The following CYB5R4 variants were observed in gnomAD, a reference collection of about 807,000 sequenced individuals.
The protein encoded by CYB5R4 is cytochrome b5 reductase 4.
A neutral mutation model predicts 70.2 loss-of-function variants in CYB5R4; 55 were observed. That is an observed-to-expected ratio of 0.78 (90% CI 0.63 to 0.98). The LOEUF (loss-of-function observed/expected upper bound fraction) is 0.98, where lower values mean the gene tolerates loss of function less well. CYB5R4 is among the 50% of genes least tolerant of loss of function. The probability of loss-of-function intolerance (pLI) is 0.00; values close to 1 mark genes in which losing one functional copy is unlikely to be tolerated. For synonymous variants in CYB5R4, 197 were observed against 199.5 expected, an observed-to-expected ratio of 0.99 and a Z score of 0.11; for missense variants, 562 against 612.6, an observed-to-expected ratio of 0.92 and a Z score of 0.87.
At chr6:83,872,550 C>T (rs2129129241) in intron 2 of CYB5R4, among the ~76,000 whole-genome samples, 1 of 152,334 alleles carries the variant, frequency 6.6e-6, no homozygotes, top group Non-Finnish European at 1.5e-5. Flanking sequence ...TGCAGGGGCT[C>T]AGACCAAGTC....
intron 12 of CYB5R4, among the ~76,000 whole-genome samples, chr6:83,937,417 C>T (rs1588582391): frequency 6.6e-6 from 1 of 152,158 alleles, no homozygotes; most frequent in East Asian, 1.9e-4. Flanking sequence ...TTCTTCATTA[C>T]AAGACTTTGA....
intron 4 of CYB5R4, chr6:83,910,273 A>G: frequency 2.7e-6 from 2 of 748,450 alleles, no homozygotes; most frequent in Non-Finnish European, 4.3e-6. Flanking sequence ...CAGTTTCCTC[A>G]TTGGTAAAAT....
intron 2 of CYB5R4, among the ~76,000 whole-genome samples, chr6:83,890,186 T>C (rs2099460903): frequency 1.3e-5 from 2 of 152,226 alleles, no homozygotes; most frequent in Non-Finnish European, 2.9e-5. Flanking sequence ...CTGGGAAAAG[T>C]AGATTGAAAA....
At chr6:83,899,559 C>T (rs989186697) in intron 3 of CYB5R4, among the ~76,000 whole-genome samples, 1 of 152,120 alleles carries the variant, frequency 6.6e-6, no homozygotes, top group Non-Finnish European at 1.5e-5. Context: ...CCTCCTTGTA[C>T]CTCTGGTAGA....
intron 2 of CYB5R4, among the ~76,000 whole-genome samples, chr6:83,889,205 T>A (rs1031568716): frequency 6.6e-6 from 1 of 152,214 alleles, no homozygotes; most frequent in Non-Finnish European, 1.5e-5. Context: ...CTAGCTAAGA[T>A]CAGTGATGTA....
At chr6:83,946,379 C>A (rs570034148) in intron 14 of CYB5R4, among the ~76,000 whole-genome samples, 1 of 152,312 alleles carries the variant, frequency 6.6e-6, no homozygotes, top group African/African-American at 2.4e-5. Context: ...AACACCCCTT[C>A]ATGCTAAAAA....
At chr6:83,908,375 C>T (rs1198183603) in intron 3 of CYB5R4, among the ~76,000 whole-genome samples, 1 of 152,046 alleles carries the variant, frequency 6.6e-6, no homozygotes, top group Non-Finnish European at 1.5e-5. Flanking sequence ...TGAAAAAAGC[C>T]TAGTTGCATT....
At chr6:83,934,033 A>C (rs1352776210) in intron 10 of CYB5R4, among the ~76,000 whole-genome samples, 1 of 152,180 alleles carries the variant, frequency 6.6e-6, no homozygotes, top group Non-Finnish European at 1.5e-5. Flanking sequence ...AGATATTCTA[A>C]AATTGCTTAC....
chr6:83,866,157 A>G (rs1193562209), intron 2 of CYB5R4, among the ~76,000 whole-genome samples: 1 of 152,110 alleles, frequency 6.6e-6, no homozygotes, highest in Non-Finnish European at 1.5e-5. Flanking sequence ...CTAGGAAACC[A>G]CTTTAGAAAA....
At chr6:83,894,952 G>GT (rs915563531) in intron 3 of CYB5R4, among the ~76,000 whole-genome samples, 1 of 152,122 alleles carries the variant, frequency 6.6e-6, no homozygotes, top group African/African-American at 2.4e-5. Flanking sequence ...GTTCAAACCT[G>GT]TGTTGTTCAA....
In CYB5R4 at chr6:83,870,971, CTTTTTTT is replaced by C. The variant is rs759131653; in HGVS notation, c.229+6659_229+6665del. Among the ~76,000 whole-genome samples, 5 of 88,594 alleles carry C rather than the reference CTTTTTTT, an allele frequency of 5.6e-5. No individual in the cohort carries two copies. The East Asian group carries it at 9.7e-4, about 17-fold the overall frequency. 58.1% of individuals were successfully genotyped at this position (88,594 alleles called of 152,430 possible). ...TACATGTCCCTTCTTTCATTGTTTGCTTTTTTTTTTTTTTTTTTTTTTGCGATGGAGT... is the reference window on the plus strand; with the variant it reads ...TACATGTCCCTTCTTTCATTGTTTGCTTTTTTTTTTTTTTTGCGATGGAGT... On this transcript the variant is annotated intron_variant, in intron 2 of 15. Coordinates refer to ENST00000369681, the MANE Select transcript of CYB5R4 (RefSeq NM_016230.4).
intron 5 of CYB5R4, among the ~76,000 whole-genome samples, chr6:83,915,134 C>A (rs1323818480): frequency 6.6e-6 from 1 of 152,112 alleles, no homozygotes; most frequent in African/African-American, 2.4e-5. Flanking sequence ...AGTGGTGCAT[C>A]CAGCCATTCT....
chr6:83,860,207 C>G (rs1190666256), intron 1 of CYB5R4, among the ~76,000 whole-genome samples: 1 of 152,164 alleles, frequency 6.6e-6, no homozygotes, highest in East Asian at 1.9e-4. Context: ...ACCTCATCTT[C>G]TCCCTGGTCT....
chr6:83,901,063 G>A lies in CYB5R4; in HGVS notation c.330+7441G>A, dbSNP rs541695918. On this transcript the variant is annotated intron_variant, in intron 3 of 15. Transcript: ENST00000369681. ...GATGCAGTTTCTTCCTAGCCTCGAT[G>A]GTCTTTACAATTTGGCATGTTTTTG... Among the ~76,000 whole-genome samples the A allele has an allele frequency of 2.6e-5, 4 of 152,296 alleles. No individual in the cohort carries two copies. In the South Asian group the frequency reaches 8.3e-4, roughly 32 times the overall value.
intron 2 of CYB5R4, among the ~76,000 whole-genome samples, chr6:83,867,932 A>G (rs964263579): frequency 2.6e-5 from 4 of 152,206 alleles, no homozygotes; most frequent in African/African-American, 9.7e-5. Context: ...CGATTCCTCA[A>G]GTGTTTTTCC....
rs568403733 is a variant in CYB5R4, at chr6:83,953,741, A to G, written c.1347-1557A>G. On this transcript the variant is annotated intron_variant, in intron 14 of 15. Coordinates refer to ENST00000369681, the MANE Select transcript of CYB5R4 (RefSeq NM_016230.4). ...GAAGGTAAGGGACTTTGTGTGAGAA[A>G]ATGAAGGAGGCAAGTTGCTGAAGCT... Among the ~76,000 whole-genome samples the G allele has an allele frequency of 2.6e-5, 4 of 152,248 alleles. No individual in the cohort carries two copies. In the East Asian group the frequency reaches 7.7e-4, roughly 29 times the overall value.
chr6:83,946,655 T>C (rs1478041557), intron 14 of CYB5R4, among the ~76,000 whole-genome samples: 1 of 152,212 alleles, frequency 6.6e-6, no homozygotes, highest in Non-Finnish European at 1.5e-5. Flanking sequence ...ATGACATGAT[T>C]GTATATTTAG....
In CYB5R4 at chr6:83,872,793, G is replaced by A. The variant is rs553514753; in HGVS notation, c.229+8465G>A. ...ACAGTAATTCTATTTCAGGGAAAAC[G>A]GTATACTTACTCACTTAAACCTAGG... On this transcript the variant is annotated intron_variant, in intron 2 of 15. Coordinates refer to ENST00000369681, the MANE Select transcript of CYB5R4 (RefSeq NM_016230.4). 7.9e-5 allele frequency among the ~76,000 whole-genome samples: 12 copies of A among 152,250 alleles called. No individual in the cohort carries two copies. The South Asian group carries it at 1.7e-3, about 21-fold the overall frequency.
chr6:83,903,057 T>C (rs568954640), intron 3 of CYB5R4, among the ~76,000 whole-genome samples: 2 of 152,236 alleles, frequency 1.3e-5, no homozygotes, highest in African/African-American at 4.8e-5. Flanking sequence ...CAGTACTGTA[T>C]TAAATAGGGG....
Sources: allele counts gnomAD v4.1 joint callset (sites outside exome capture counted in the v4.1 genomes callset), GRCh38; gene constraint gnomAD v4.1.1; transcripts MANE v1.5; gene names NCBI Gene and HGNC (gene_info 2026-07-23, HGNC 2026-07-21).